MTUS1: variants seen among roughly 807,000 people sequenced by gnomAD.
MTUS1 encodes the protein microtubule-associated tumor suppressor 1.
Under a neutral mutation model 120.8 loss-of-function variants are expected in MTUS1, and 109 were observed. That is an observed-to-expected ratio of 0.90 (90% CI 0.77 to 1.06). The LOEUF (loss-of-function observed/expected upper bound fraction) is 1.06. Among genes scored for constraint, MTUS1 ranks in the 50% least tolerant of loss-of-function variants. The probability of loss-of-function intolerance (pLI) is 0.00; values close to 1 mark genes in which losing one functional copy is unlikely to be tolerated. For missense variants in MTUS1, 2,210 were observed against 1,486.3 expected (o/e 1.49, Z -8.01); for synonymous variants, 737 against 550.5 (o/e 1.34, Z -4.74).
chr8:17,736,302 G>C (rs899401178), intron 3 of MTUS1, among the ~76,000 whole-genome samples: 2 of 152,206 alleles, frequency 1.3e-5, no homozygotes, highest in Admixed American at 6.5e-5. Flanking sequence ...GCATGGCCCT[G>C]CTTGGTTGGT....
At chr8:17,669,428 G>A (rs537590072) in intron 8 of MTUS1, among the ~76,000 whole-genome samples, 1 of 152,306 alleles carries the variant, frequency 6.6e-6, no homozygotes, top group East Asian at 1.9e-4. Context: ...GAACAAAGGG[G>A]AAAGAGTGCC....
chr8:17,694,867 C>T (rs1385547785), intron 6 of MTUS1, among the ~76,000 whole-genome samples: 1 of 152,090 alleles, frequency 6.6e-6, no homozygotes, highest in East Asian at 1.9e-4. Flanking sequence ...GCCAGAAATT[C>T]ACAGATTTGG....
intron 6 of MTUS1, among the ~76,000 whole-genome samples, chr8:17,698,648 G>C (rs558114800): frequency 3.9e-5 from 6 of 152,278 alleles, no homozygotes; most frequent in African/African-American, 1.4e-4. Context: ...AGTTCTTTTA[G>C]AAATTCTATA....
chr8:17,751,996 C>G (rs2048237159), intron 2 of MTUS1, among the ~76,000 whole-genome samples: 1 of 150,996 alleles, frequency 6.6e-6, no homozygotes, highest in East Asian at 2.0e-4. Context: ...TGAATCCTAA[C>G]AGCCAGATTC....
At chr8:17,793,396 AGGAGAGGGCAAGG>A (rs1014312316) in intron 1 of MTUS1, among the ~76,000 whole-genome samples, 11 of 152,138 alleles carry the variant, frequency 7.2e-5, no homozygotes, top group African/African-American at 2.7e-4. Flanking sequence ...TGAGGGCAAG[AGGAGAGGGCAAGG>A]AGCAAGGCAC....
At chr8:17,705,048 A>G (rs1444335761) in intron 6 of MTUS1, among the ~76,000 whole-genome samples, 2 of 152,040 alleles carry the variant, frequency 1.3e-5, no homozygotes, top group African/African-American at 4.8e-5. Context: ...CGGTGGTGCA[A>G]TCTCAGCTCA....
rs572217028 is a variant in MTUS1 at position 17,721,813 on chromosome 8, C to G, written c.2449+1859G>C. 15 of 1,614,138 alleles carry G rather than the reference C, an allele frequency of 9.3e-6. No homozygotes were observed. The African/African-American group carries it at 1.5e-4, about 16-fold the overall frequency. ...GGTAGCATCATAGTGCCTCTCTGAACCAGCCGGTGGGGTGAGTGTAGAATT... is the reference window on the plus strand; with the variant it reads ...GGTAGCATCATAGTGCCTCTCTGAAGCAGCCGGTGGGGTGAGTGTAGAATT... On this transcript the variant is annotated intron_variant, in intron 4 of 14. Transcript: ENST00000693296.
chr8:17,661,055 A>C (rs894866568), intron 8 of MTUS1, among the ~76,000 whole-genome samples: 1 of 152,232 alleles, frequency 6.6e-6, no homozygotes, highest in Non-Finnish European at 1.5e-5. Context: ...TTCTCTGCAC[A>C]TTCACTTTTC....
intron 8 of MTUS1, among the ~76,000 whole-genome samples, chr8:17,666,985 T>A (rs1811056195): frequency 6.6e-6 from 1 of 152,146 alleles, no homozygotes; most frequent in Non-Finnish European, 1.5e-5. Context: ...TCGTACACAA[T>A]AAAGTTTGGG....
chr8:17,786,724 C>A (rs186739172), intron 1 of MTUS1, among the ~76,000 whole-genome samples: 2 of 152,204 alleles, frequency 1.3e-5, no homozygotes, highest in African/African-American at 4.8e-5. Flanking sequence ...CTGGCTGGGG[C>A]TGGAAGAAAT....
chr8:17,690,921 A>C (rs1816817144), intron 6 of MTUS1, among the ~76,000 whole-genome samples: 1 of 152,202 alleles, frequency 6.6e-6, no homozygotes, highest in Non-Finnish European at 1.5e-5. Context: ...GTTTCTAAGA[A>C]AATAATATGC....
chr8:17,745,510 A>G (rs1293531639), intron 2 of MTUS1, among the ~76,000 whole-genome samples: 1 of 152,218 alleles, frequency 6.6e-6, no homozygotes, highest in Non-Finnish European at 1.5e-5. Flanking sequence ...TGTGGAGCCC[A>G]TAGATACAGA....
At chr8:17,690,762 T>A (rs1816784992) in intron 6 of MTUS1, among the ~76,000 whole-genome samples, 1 of 152,104 alleles carries the variant, frequency 6.6e-6, no homozygotes, top group South Asian at 2.1e-4. Flanking sequence ...AAAAGAAAGC[T>A]CTATTACTCT....
chr8:17,754,009 C>G lies in MTUS1; in HGVS notation c.1799G>C (p.Arg600Thr). The G allele has an allele frequency of 6.2e-7, 1 of 1,614,168 alleles. No individual in the cohort carries two copies. Among genetic ancestry groups the G allele is most frequent in the African/African-American group, 1.3e-5 (1 of 75,032 alleles). The change falls in exon 2 of 15, where the codon AGG becomes ACG. Residue 600 changes from arginine (R) to threonine (T), a missense_variant. Coordinates refer to ENST00000693296, the MANE Select transcript of MTUS1 (RefSeq NM_001363059.2). Reference sequence around the variant, plus strand: ...CACGGCAGATGTTGTTCTTGGAACCCTGTGTGAAGCATTTTTAGAATGAGT... The same window carrying G: ...CACGGCAGATGTTGTTCTTGGAACCGTGTGTGAAGCATTTTTAGAATGAGT... ...VTTHSKNASH[R>T]VPRTTSAVKS...
chr8:17,702,019 A>G (rs886926612), intron 6 of MTUS1, among the ~76,000 whole-genome samples: 4 of 152,218 alleles, frequency 2.6e-5, no homozygotes, highest in Non-Finnish European at 5.9e-5. Context: ...AAATGTCTTT[A>G]AAATGTCAAC....
At chr8:17,765,096 T>A (rs191812403) in intron 1 of MTUS1, among the ~76,000 whole-genome samples, 1 of 152,238 alleles carries the variant, frequency 6.6e-6, no homozygotes, top group Non-Finnish European at 1.5e-5. Flanking sequence ...CATAAGTAGC[T>A]CGCAACCTAG....
chr8:17,723,787 CA>C lies in MTUS1; in HGVS notation c.2333del (p.Leu778CysfsTer12). The C allele has an allele frequency of 6.2e-7, 1 of 1,609,008 alleles. No homozygotes were observed. Among genetic ancestry groups the C allele is most frequent in the East Asian group, 2.2e-5 (1 of 44,872 alleles). On this transcript the variant is annotated frameshift_variant, in exon 4 of 15. Coordinates refer to ENST00000693296, the MANE Select transcript of MTUS1 (RefSeq NM_001363059.2). LOFTEE classifies it high-confidence loss of function. ...LKTAQSSWVN[L>X]PRPLPKSKAS... is the part of the protein sequence containing the mutation. ...CTTTGGATTTAGGAAGTGGTCTAGG[CA>C]AATTCACCCATGACGACTGTGCAGT... is the stretch of plus-strand genomic sequence containing the variant.
intron 7 of MTUS1, among the ~76,000 whole-genome samples, chr8:17,676,669 C>T (rs545518987): frequency 6.6e-6 from 1 of 152,240 alleles, no homozygotes; most frequent in East Asian, 1.9e-4. Context: ...AAAACTGACC[C>T]CCTCTGCATG....
chr8:17,756,624 A>G (rs13258939), intron 1 of MTUS1, among the ~76,000 whole-genome samples: 112,491 of 142,602 alleles, frequency 0.79, 44,819 homozygotes, highest in South Asian at 0.87. Flanking sequence ...CTTATGTTAT[A>G]CACTAAACTG....
Sources: allele counts gnomAD v4.1 joint callset (sites outside exome capture counted in the v4.1 genomes callset), GRCh38; gene constraint gnomAD v4.1.1; transcripts MANE v1.5; gene names NCBI Gene and HGNC (gene_info 2026-07-23, HGNC 2026-07-21).